SLIT3: variants seen among roughly 807,000 people sequenced by gnomAD.
The protein encoded by SLIT3 is slit homolog 3 protein.
SLIT3 carries 68 observed loss-of-function variants against 184.0 expected under a neutral mutation model. That is an observed-to-expected ratio of 0.37 (90% CI 0.30 to 0.45). SLIT3 has a LOEUF of 0.45. Ranked by LOEUF, SLIT3 falls within the 20% of genes least tolerant of loss-of-function variation. The probability of loss-of-function intolerance (pLI) is 1.00; values close to 1 mark genes in which losing one functional copy is unlikely to be tolerated. For missense variants in SLIT3, 1,707 were observed against 2,026.0 expected (o/e 0.84, Z 3.02); for synonymous variants, 831 against 828.6 (o/e 1.00, Z -0.05).
chr5:168,932,870 C>T (rs1762037737), intron 4 of SLIT3, among the ~76,000 whole-genome samples: 1 of 152,230 alleles, frequency 6.6e-6, no homozygotes, highest in Non-Finnish European at 1.5e-5. Context: ...GCACAACATG[C>T]ATAACCTTGT....
At chr5:168,924,223 A>G (rs1761733136) in intron 4 of SLIT3, among the ~76,000 whole-genome samples, 1 of 152,144 alleles carries the variant, frequency 6.6e-6, no homozygotes, top group African/African-American at 2.4e-5. Flanking sequence ...CATGGAGCTA[A>G]GTGGTCATGT....
At chr5:168,997,748 G>C (rs962607764) in intron 4 of SLIT3, among the ~76,000 whole-genome samples, 1 of 152,184 alleles carries the variant, frequency 6.6e-6, no homozygotes, top group East Asian at 1.9e-4. Flanking sequence ...AGAAGACCTA[G>C]GTAGCAACTG....
intron 4 of SLIT3, among the ~76,000 whole-genome samples, chr5:168,913,862 TTTC>T (rs1196941477): frequency 6.6e-6 from 1 of 152,206 alleles, no homozygotes; most frequent in Non-Finnish European, 1.5e-5. Context: ...AGGTTAATAT[TTTC>T]TTATATATCT....
chr5:169,200,943 T>C (rs1763889019), intron 3 of SLIT3, among the ~76,000 whole-genome samples: 1 of 152,236 alleles, frequency 6.6e-6, no homozygotes, highest in African/African-American at 2.4e-5. Flanking sequence ...GAAAGTCTAA[T>C]GGCTTACAGA....
At chr5:169,259,878 C>T (rs1167580702) in intron 1 of SLIT3, among the ~76,000 whole-genome samples, 1 of 152,040 alleles carries the variant, frequency 6.6e-6, no homozygotes, top group African/African-American at 2.4e-5. Flanking sequence ...TGAGCTAAGA[C>T]TCAGGAGATT....
chr5:168,967,715 C>T (rs948103248), intron 4 of SLIT3, among the ~76,000 whole-genome samples: 3 of 151,926 alleles, frequency 2.0e-5, no homozygotes, highest in African/African-American at 7.3e-5. Flanking sequence ...GCTGGGATTA[C>T]AGGCGTGAGC....
intron 20 of SLIT3, among the ~76,000 whole-genome samples, chr5:168,748,000 T>C (rs1470625053): frequency 6.6e-6 from 1 of 151,952 alleles, no homozygotes; most frequent in African/African-American, 2.4e-5. Flanking sequence ...TCAGGGGTGA[T>C]ACGGAAAATG....
chr5:168,897,092 G>A (rs1760688909), intron 4 of SLIT3, among the ~76,000 whole-genome samples: 1 of 151,084 alleles, frequency 6.6e-6, no homozygotes, highest in African/African-American at 2.4e-5. Flanking sequence ...AACCTGTCTT[G>A]GGGCTTACAT....
chr5:169,078,451 A>C (rs1461270477), intron 4 of SLIT3, among the ~76,000 whole-genome samples: 1 of 152,100 alleles, frequency 6.6e-6, no homozygotes, highest in Non-Finnish European at 1.5e-5. Flanking sequence ...GAGGAACCTG[A>C]GGTTCAGAGT....
At chr5:169,050,364 T>C (rs1340469852) in intron 4 of SLIT3, among the ~76,000 whole-genome samples, 1 of 152,210 alleles carries the variant, frequency 6.6e-6, no homozygotes, top group Non-Finnish European at 1.5e-5. Context: ...AAATCTCATC[T>C]CACTTCCTCT....
chr5:169,090,219 C>T (rs1446373907), intron 4 of SLIT3, among the ~76,000 whole-genome samples: 1 of 152,002 alleles, frequency 6.6e-6, no homozygotes, highest in Admixed American at 6.6e-5. Flanking sequence ...GCTGTCAAAC[C>T]AAAGAAGAGG....
chr5:169,140,130 A>G (rs1761669510), intron 4 of SLIT3, among the ~76,000 whole-genome samples: 1 of 151,834 alleles, frequency 6.6e-6, no homozygotes, highest in South Asian at 2.1e-4. Context: ...ACGGTGGGCA[A>G]GTGGCACAGG....
intron 4 of SLIT3, among the ~76,000 whole-genome samples, chr5:169,147,698 C>G (rs1429128410): frequency 6.6e-6 from 1 of 152,210 alleles, no homozygotes; most frequent in African/African-American, 2.4e-5. Context: ...CCCTTTCTCT[C>G]TAATCCAGCT....
At chr5:169,030,849 G>A (rs1219816194) in intron 4 of SLIT3, among the ~76,000 whole-genome samples, 3 of 152,208 alleles carry the variant, frequency 2.0e-5, no homozygotes, top group African/African-American at 4.8e-5. Flanking sequence ...GAAGTAGAAC[G>A]TGGTATGGTT....
Position 168,666,554 on chromosome 5 carries a change from CG to C in SLIT3, c.4471del (p.Arg1491AlafsTer18). 1 of 1,613,904 alleles carries C rather than the reference CG, an allele frequency of 6.2e-7. No homozygotes were observed. Among genetic ancestry groups the C allele is most frequent in the Non-Finnish European group, 8.5e-7 (1 of 1,179,938 alleles). Reference sequence around the variant, plus strand: ...GAAGACGTATTTCCGCCGCTTGCTGCGGGTGGGCTGGCAGCACTGGGGCCCA... The same window carrying C: ...GAAGACGTATTTCCGCCGCTTGCTGCGGTGGGCTGGCAGCACTGGGGCCCA... ...GCGPQCCQPT[R>X]SKRRKYVFQC... is the part of the protein sequence containing the mutation. On this transcript the variant is annotated frameshift_variant, in exon 36 of 36. Coordinates refer to ENST00000519560, the MANE Select transcript of SLIT3 (RefSeq NM_003062.4). LOFTEE classifies it high-confidence loss of function.
chr5:168,977,170 C>A (rs995521926), intron 4 of SLIT3, among the ~76,000 whole-genome samples: 1 of 152,032 alleles, frequency 6.6e-6, no homozygotes, highest in Non-Finnish European at 1.5e-5. Context: ...GTCAATCTGC[C>A]CATTCTGATA....
At chr5:168,849,109 T>G (rs1359688709) in intron 5 of SLIT3, among the ~76,000 whole-genome samples, 1 of 152,352 alleles carries the variant, frequency 6.6e-6, no homozygotes, top group African/African-American at 2.4e-5. Flanking sequence ...TAAGTCCCCA[T>G]GAAGAATACC....
chr5:168,987,669 C>T (rs1561591311), intron 4 of SLIT3, among the ~76,000 whole-genome samples: 1 of 152,206 alleles, frequency 6.6e-6, no homozygotes, highest in African/African-American at 2.4e-5. Context: ...TGCCTCGTAC[C>T]CTATAGGAAC....
At chr5:168,817,587 C>A in intron 7 of SLIT3, 124 bp from the exon 8 acceptor site, 2 of 882,996 alleles carry the variant, frequency 2.3e-6, no homozygotes. Flanking sequence ...CCTAGGAGCC[C>A]AGGGAAGCAA....
Sources: gnomAD v4.1 joint callset for allele counts (sites outside exome capture counted in the v4.1 genomes callset) on GRCh38, gnomAD v4.1.1 for gene constraint, MANE v1.5 for transcripts, NCBI Gene and HGNC (gene_info 2026-07-23, HGNC 2026-07-21) for gene names.